Variants in GLCE observed in about 807,000 individuals in gnomAD.
The protein encoded by GLCE is D-glucuronyl C5-epimerase.
In GLCE, 19 loss-of-function variants were observed where a neutral mutation model predicts 47.9. That is an observed-to-expected ratio of 0.40 (90% CI 0.28 to 0.58). The LOEUF is 0.58. Ranked by LOEUF, GLCE falls within the 20% of genes least tolerant of loss-of-function variation. The pLI is 0.48. For synonymous variants in GLCE, 245 were observed against 263.4 expected, an observed-to-expected ratio of 0.93 and a Z score of 0.68; for missense variants, 556 against 743.3, an observed-to-expected ratio of 0.75 and a Z score of 2.93.
chr15:69,187,726 A>G (rs1442596697), intron 1 of GLCE, among the ~76,000 whole-genome samples: 1 of 152,182 alleles, frequency 6.6e-6, no homozygotes, highest in African/African-American at 2.4e-5. Context: ...GTTTACATCA[A>G]TTGATTCTCA....
chr15:69,194,107 T>C (rs940817610), intron 1 of GLCE, among the ~76,000 whole-genome samples: 6 of 152,274 alleles, frequency 3.9e-5, no homozygotes, highest in Non-Finnish European at 7.4e-5. Flanking sequence ...TAGTCGGCCT[T>C]GGCCCTAGAA....
At chr15:69,230,748 C>T (rs1179694422) in intron 2 of GLCE, among the ~76,000 whole-genome samples, 11 of 152,162 alleles carry the variant, frequency 7.2e-5, no homozygotes, top group Non-Finnish European at 1.6e-4. Context: ...GTATTTGTGT[C>T]CTGTTGTTAT....
At position 69,212,497 on chromosome 15, in the gene GLCE, A is replaced by G. The variant is rs1162195896; in HGVS notation, c.-14+2091A>G. Among the ~76,000 whole-genome samples, 4 of 152,136 alleles carry G rather than the reference A, an allele frequency of 2.6e-5. No individual in the cohort carries two copies. The East Asian group carries it at 7.7e-4, about 29-fold the overall frequency. On this transcript the variant is annotated intron_variant, in intron 2 of 4. Transcript: ENST00000261858. ...GAGTCATTGCCAATTTGATAGTATC[A>G]TTGAAATTAAATATGTGTACTTTAA...
At chr15:69,186,964 A>G (rs2051833398) in intron 1 of GLCE, among the ~76,000 whole-genome samples, 1 of 152,206 alleles carries the variant, frequency 6.6e-6, no homozygotes, top group South Asian at 2.1e-4. Context: ...AAGAGATAGC[A>G]CATTTCATTG....
chr15:69,232,745 A>G (rs1425423823), intron 2 of GLCE, among the ~76,000 whole-genome samples: 2 of 152,228 alleles, frequency 1.3e-5, no homozygotes, highest in African/African-American at 2.4e-5. Context: ...GTTTATATGT[A>G]TACTAGAAAC....
rs2052596174 is a variant in GLCE, at chr15:69,236,509, G to A, written c.-13-19285G>A. On this transcript the variant is annotated intron_variant, in intron 2 of 4. Transcript: ENST00000261858. ...AAAGTGCAGGGAAATGTAGTATAAT[G>A]GCAAACACTGGACTAAGATAAATTT... Among the ~76,000 whole-genome samples, 6 of 152,236 alleles carry A rather than the reference G, an allele frequency of 3.9e-5. No individual in the cohort carries two copies. The South Asian group carries it at 1.2e-3, about 32-fold the overall frequency.
chr15:69,235,177 A>C (rs2052580248), intron 2 of GLCE, among the ~76,000 whole-genome samples: 1 of 127,036 alleles, frequency 7.9e-6, no homozygotes. Context: ...GCACGATCTC[A>C]GCTTACTGCA....
At position 69,225,196 on chromosome 15, in the gene GLCE, G is replaced by T. The variant is rs371351195; in HGVS notation, c.-14+14790G>T. On this transcript the variant is annotated intron_variant, in intron 2 of 4. Coordinates refer to ENST00000261858, the MANE Select transcript of GLCE (RefSeq NM_015554.3). ...GCTTTTTTTTTTTCTTTTTTGCAGG[G>T]CAGAGGTGGAGAGGGGTTAGATTAT... 3.1e-4 allele frequency among the ~76,000 whole-genome samples: 47 copies of T among 151,690 alleles called. No homozygotes were observed. In the East Asian group the frequency reaches 8.3e-3, roughly 27 times the overall value.
chr15:69,240,305 AAAAAAG>A (rs2052650922), intron 2 of GLCE, among the ~76,000 whole-genome samples: 1 of 19,258 alleles, frequency 5.2e-5, no homozygotes, highest in African/African-American at 9.6e-5. Context: ...AAAAAAAAAA[AAAAAAG>A]AAAAGAAATA....
intron 2 of GLCE, among the ~76,000 whole-genome samples, chr15:69,223,421 G>C (rs957905024): frequency 2.0e-5 from 3 of 152,108 alleles, no homozygotes; most frequent in Non-Finnish European, 4.4e-5. Context: ...GGCCTCCAAA[G>C]TTTCTGATGC....
At chr15:69,239,848 A>G (rs2052642489) in intron 2 of GLCE, among the ~76,000 whole-genome samples, 1 of 152,186 alleles carries the variant, frequency 6.6e-6, no homozygotes, top group Admixed American at 6.5e-5. Flanking sequence ...TCTCAGGGTA[A>G]CCAAGTAGTT....
At chr15:69,172,650 A>G (rs1237766388) in intron 1 of GLCE, among the ~76,000 whole-genome samples, 2 of 152,314 alleles carry the variant, frequency 1.3e-5, no homozygotes, top group African/African-American at 4.8e-5. Context: ...GAATAGTTAC[A>G]TAGGTAGGTG....
At chr15:69,204,893 CT>C (rs1340166327) in intron 1 of GLCE, among the ~76,000 whole-genome samples, 2 of 151,990 alleles carry the variant, frequency 1.3e-5, no homozygotes, top group East Asian at 1.9e-4. Context: ...GTCACTTGCT[CT>C]ATCTGAAAAG....
At chr15:69,251,209 G>A (rs1274346423) in intron 2 of GLCE, among the ~76,000 whole-genome samples, 1 of 152,066 alleles carries the variant, frequency 6.6e-6, no homozygotes, top group Non-Finnish European at 1.5e-5. Flanking sequence ...TAAATTTTAT[G>A]TCCTGAGAGA....
intron 2 of GLCE, among the ~76,000 whole-genome samples, chr15:69,247,519 A>G (rs1179018709): frequency 6.6e-6 from 1 of 152,214 alleles, no homozygotes; most frequent in Non-Finnish European, 1.5e-5. Context: ...GTTCACTGGA[A>G]TAGCAATTTT....
intron 1 of GLCE, among the ~76,000 whole-genome samples, chr15:69,200,487 A>G (rs746448543): frequency 6.6e-6 from 1 of 152,182 alleles, no homozygotes; most frequent in Non-Finnish European, 1.5e-5. Context: ...CATTCTAACT[A>G]GAAAATACTA....
intron 1 of GLCE, among the ~76,000 whole-genome samples, chr15:69,188,005 A>G (rs2140348616): frequency 6.6e-6 from 1 of 152,290 alleles, no homozygotes; most frequent in East Asian, 1.9e-4. Flanking sequence ...CAGAGGTTGT[A>G]GTGATCAGAG....
At chr15:69,234,604 A>G (rs2052569932) in intron 2 of GLCE, among the ~76,000 whole-genome samples, 1 of 152,030 alleles carries the variant, frequency 6.6e-6, no homozygotes. Context: ...TCACCACCTT[A>G]TTTTTTTAGG....
At chr15:69,228,018 G>A (rs934461074) in intron 2 of GLCE, among the ~76,000 whole-genome samples, 5 of 152,172 alleles carry the variant, frequency 3.3e-5, no homozygotes, top group African/African-American at 9.6e-5. Context: ...TTGAAAGCTA[G>A]CATTTGACAT....
Sources: gnomAD v4.1 joint callset for allele counts (sites outside exome capture counted in the v4.1 genomes callset) on GRCh38, gnomAD v4.1.1 for gene constraint, MANE v1.5 for transcripts, NCBI Gene and HGNC (gene_info 2026-07-23, HGNC 2026-07-21) for gene names.